Variants in WDFY4 observed in about 807,000 individuals in gnomAD.
WDFY4 encodes WDFY family member 4, also known as WD repeat- and FYVE domain-containing protein 4.
In WDFY4, 169 loss-of-function variants were observed where a neutral mutation model predicts 351.9. The observed-to-expected ratio is 0.48, with a 90% CI of 0.42 to 0.55. WDFY4 has a LOEUF of 0.55. Among genes scored for constraint, WDFY4 ranks in the 20% least tolerant of loss-of-function variants. The pLI, the probability that WDFY4 is intolerant of heterozygous loss-of-function variation, is 0.00. For missense variants in WDFY4, 3,803 were observed against 3,935.6 expected (o/e 0.97, Z 0.90); for synonymous variants, 1,622 against 1,574.6 (o/e 1.03, Z -0.71).
chr10:48,803,080 A>C (rs1391057044), intron 24 of WDFY4, among the ~76,000 whole-genome samples: 1 of 152,212 alleles, frequency 6.6e-6, no homozygotes, highest in African/African-American at 2.4e-5. Flanking sequence ...AAGTAGCAGC[A>C]GAGATGGCGA....
chr10:48,830,984 G>C (rs1008026906), intron 38 of WDFY4, 99 bp downstream of exon 38: 19 of 1,213,802 alleles, frequency 1.6e-5, no homozygotes, highest in Non-Finnish European at 2.2e-5. Context: ...TTTCCACCTG[G>C]ACCCTCTGTC....
In WDFY4 at chr10:48,731,560, C is replaced by A; in HGVS notation, c.1580C>A (p.Ser527Ter). Residue 527 changes from serine to a stop codon, truncating the protein, a stop_gained and splice_region_variant, in exon 9 of 62, where the codon TCA becomes TAA. Coordinates refer to ENST00000325239, the MANE Select transcript of WDFY4 (RefSeq NM_001394531.1). LOFTEE classifies it high-confidence loss of function. Reference protein sequence around the residue: ...LRKQAKIMRKSGNKVSTPGVQ... With the variant: ...LRKQAKIMRK ...AAGCAAGCCAAGATCATGAGGAAGT[C>A]AGGTGCCACTGGGTGCATTGGGAGG... 6.5e-7 allele frequency: 1 copy of A among 1,549,700 alleles called. No individual in the cohort carries two copies. The highest frequency in any genetic ancestry group is 1.2e-5 in the South Asian group (1 of 83,900).
intron 2 of WDFY4, among the ~76,000 whole-genome samples, chr10:48,718,162 A>G (rs1438561156): frequency 6.6e-6 from 1 of 152,212 alleles, no homozygotes. Flanking sequence ...TTTGTCTTAC[A>G]TAAATGATCT....
At chr10:48,768,476 G>A (rs1018695788) in intron 13 of WDFY4, among the ~76,000 whole-genome samples, 5 of 152,070 alleles carry the variant, frequency 3.3e-5, no homozygotes, top group Non-Finnish European at 7.4e-5. Context: ...TCCTTTCCCC[G>A]AAAGCCCATT....
intron 47 of WDFY4, among the ~76,000 whole-genome samples, chr10:48,918,736 T>G (rs912472551): frequency 7.3e-6 from 1 of 136,926 alleles, no homozygotes; most frequent in Non-Finnish European, 1.7e-5. Flanking sequence ...CAGGTAATTA[T>G]TTGTTGTCAG....
Position 48,725,917 on chromosome 10 carries a change from G to C in WDFY4, c.628G>C (p.Glu210Gln). 1 of 1,550,822 alleles carries C rather than the reference G, an allele frequency of 6.4e-7. No individual in the cohort carries two copies. The highest frequency in any genetic ancestry group is 2.4e-5 in the East Asian group (1 of 40,892). Residue 210 changes from glutamate (E) to glutamine (Q), a missense_variant, in exon 6 of 62, where the codon GAG (glutamate) becomes CAG (glutamine). Transcript: ENST00000325239. ...TATTTGCAGTGACTCTCAGGGCCTGGAGGGACTCCTCTCAGGAAGTGAGCT... is the reference window on the plus strand; with the variant it reads ...TATTTGCAGTGACTCTCAGGGCCTGCAGGGACTCCTCTCAGGAAGTGAGCT... ...LNICSDSQGL[E>Q]GLLSGSELQS...
intron 47 of WDFY4, among the ~76,000 whole-genome samples, chr10:48,903,122 G>T (rs1837443533): frequency 6.6e-6 from 1 of 152,086 alleles, no homozygotes; most frequent in South Asian, 2.1e-4. Context: ...AAAAAAGGTG[G>T]AGAAACATGT....
At chr10:48,952,746 C>T (rs1366674532) in intron 51 of WDFY4, among the ~76,000 whole-genome samples, 6 of 152,148 alleles carry the variant, frequency 3.9e-5, no homozygotes, top group South Asian at 2.1e-4. Flanking sequence ...CCACCACCTA[C>T]AGGAAGGAAA....
intron 43 of WDFY4, among the ~76,000 whole-genome samples, chr10:48,890,063 C>T (rs1390213566): frequency 6.6e-6 from 1 of 152,198 alleles, no homozygotes; most frequent in African/African-American, 2.4e-5. Context: ...GGCAGAGCAC[C>T]GTGCATCTTC....
chr10:48,966,792 A>T, intron 55 of WDFY4, 119 bp downstream of exon 55: 1 of 1,330,608 alleles, frequency 7.5e-7, no homozygotes, highest in Non-Finnish European at 1.0e-6. Flanking sequence ...CTGACTTTGA[A>T]TGGCTGCATC....
chr10:48,804,247 A>G (rs2067178994), intron 25 of WDFY4, among the ~76,000 whole-genome samples: 1 of 152,346 alleles, frequency 6.6e-6, no homozygotes, highest in Non-Finnish European at 1.5e-5. Flanking sequence ...AGCATTTTGA[A>G]TGTATTTGTA....
Position 48,796,280 on chromosome 10 carries a change from T to A in WDFY4, c.4258-18T>A, listed in dbSNP as rs781003314. 6.5e-7 allele frequency: 1 copy of A among 1,545,916 alleles called. No homozygotes were observed. The highest frequency in any genetic ancestry group is 8.7e-7 in the Non-Finnish European group (1 of 1,143,400). ...ATGATGCATTCATGAGGAAACTGCT[T>A]TGTGTTAACCTTTTCAGATAATGGC... On this transcript the variant is annotated intron_variant, in intron 23 of 61. Transcript: ENST00000325239.
chr10:48,867,390 C>A, intron 40 of WDFY4, 48 bp downstream of exon 40: 2 of 1,237,786 alleles, frequency 1.6e-6, no homozygotes, highest in South Asian at 1.8e-5. Flanking sequence ...CTGGAATCCA[C>A]CTTGAACCTG....
chr10:48,967,719 C>T (rs576660467), intron 55 of WDFY4: 1 of 152,400 alleles, frequency 6.6e-6, no homozygotes, highest in East Asian at 1.9e-4. Flanking sequence ...TTCCTAGGGC[C>T]ATGTATGTAT....
intron 60 of WDFY4, 99 bp downstream of exon 60, chr10:48,978,492 T>A (rs1265816327): frequency 2.5e-6 from 3 of 1,203,628 alleles, no homozygotes; most frequent in South Asian, 3.2e-5. Context: ...TCCTCCCAGG[T>A]CTGCCCAGCC....
rs1254180958 is a variant in WDFY4 at position 48,903,302 on chromosome 10, C to T, written c.7586+1439C>T. On this transcript the variant is annotated intron_variant, in intron 47 of 61. Coordinates refer to ENST00000325239, the MANE Select transcript of WDFY4 (RefSeq NM_001394531.1). ...GTTTTTATTCCAAATAGATGGGAAGCGTTGGAGGATTTTAAGCAGAGGGTT... is the reference window on the plus strand; with the variant it reads ...GTTTTTATTCCAAATAGATGGGAAGTGTTGGAGGATTTTAAGCAGAGGGTT... 5.9e-5 allele frequency among the ~76,000 whole-genome samples: 9 copies of T among 152,100 alleles called. No homozygotes were observed. The South Asian group carries it at 1.2e-3, about 21-fold the overall frequency.
chr10:48,941,904 C>G, intron 48 of WDFY4, 56 bp downstream of exon 48: 1 of 1,511,312 alleles, frequency 6.6e-7, no homozygotes, highest in Non-Finnish European at 9.0e-7. Context: ...GAGAATGGCT[C>G]AGGCCCCAGC....
Position 48,975,026 on chromosome 10 carries a change from C to T in WDFY4, c.9093C>T (p.Thr3031=). 2 of 1,551,738 alleles carry T rather than the reference C, an allele frequency of 1.3e-6. No individual in the cohort carries two copies. Among genetic ancestry groups the T allele is most frequent in the Non-Finnish European group, 1.7e-6 (2 of 1,147,006 alleles). ...ATCGGGAAGGCATCTCAGCCATCAC[C>T]ATCAGTGACGTCTCAGTAAGTCTCC... ...PAHREGISAI[T]ISDVSGTIVS... Residue 3031 remains threonine (T), a synonymous_variant, in exon 58 of 62, where the codon ACC becomes ACT. Coordinates refer to ENST00000325239, the MANE Select transcript of WDFY4 (RefSeq NM_001394531.1).
intron 13 of WDFY4, among the ~76,000 whole-genome samples, chr10:48,773,711 G>T (rs1438970826): frequency 6.6e-6 from 1 of 152,198 alleles, no homozygotes; most frequent in Non-Finnish European, 1.5e-5. Context: ...GAGGGAGATG[G>T]CACCCAGGGG....
Sources: allele counts gnomAD v4.1 joint callset (sites outside exome capture counted in the v4.1 genomes callset), GRCh38; gene constraint gnomAD v4.1.1; transcripts MANE v1.5; gene names NCBI Gene and HGNC (gene_info 2026-07-23, HGNC 2026-07-21).